Variants in MIPOL1 observed in about 807,000 individuals in gnomAD.
MIPOL1 encodes mirror-image polydactyly 1, also known as mirror-image polydactyly gene 1 protein.
Under a neutral mutation model 60.9 loss-of-function variants are expected in MIPOL1, and 57 were observed. The observed-to-expected ratio is 0.94, with a 90% confidence interval of 0.76 to 1.17. The LOEUF is 1.17. MIPOL1 is among the 50% of genes most tolerant of loss of function. The pLI is 0.00. For synonymous variants in MIPOL1, 179 were observed against 168.8 expected (o/e 1.06, Z -0.47); for missense variants, 551 against 511.6 (o/e 1.08, Z -0.74).
At chr14:37,413,529 A>T (rs183999923) in intron 10 of MIPOL1, among the ~76,000 whole-genome samples, 2 of 152,352 alleles carry the variant, frequency 1.3e-5, no homozygotes, top group Non-Finnish European at 2.9e-5. Flanking sequence ...GTTTACCCAG[A>T]TAATCCAGGG....
At chr14:37,489,284 G>C (rs2095006021) in intron 11 of MIPOL1, among the ~76,000 whole-genome samples, 1 of 152,040 alleles carries the variant, frequency 6.6e-6, no homozygotes, top group African/African-American at 2.4e-5. Flanking sequence ...CACGTGCTGT[G>C]TTTTTCAGCT....
At chr14:37,460,504 G>A (rs1045555336) in intron 11 of MIPOL1, among the ~76,000 whole-genome samples, 1 of 152,010 alleles carries the variant, frequency 6.6e-6, no homozygotes, top group Non-Finnish European at 1.5e-5. Context: ...GGAAATTCTA[G>A]CCAAAGCAAT....
chr14:37,275,817 C>T (rs141152892), intron 6 of MIPOL1, among the ~76,000 whole-genome samples: 6 of 151,228 alleles, frequency 4.0e-5, no homozygotes, highest in African/African-American at 1.4e-4. Context: ...TTCTTTCTTG[C>T]ATGTCATCCA....
chr14:37,233,621 A>C (rs887180845), intron 1 of MIPOL1, among the ~76,000 whole-genome samples: 1 of 152,140 alleles, frequency 6.6e-6, no homozygotes, highest in Non-Finnish European at 1.5e-5. Context: ...AAACACAAAG[A>C]AGTCAGAAGG....
At position 37,502,459 on chromosome 14, in the gene MIPOL1, T is replaced by C. The variant is rs545930879; in HGVS notation, c.1262+2321T>C. On this transcript the variant is annotated intron_variant, in intron 12 of 12. Transcript: ENST00000684589. ...ATATGTGCAGTTCTACAGCCTCTGC[T>C]GGTGATACCCAGGCAAACAGGGTTT... 7.2e-5 allele frequency: 11 copies of C among 152,524 alleles called. No homozygotes were observed. The East Asian group carries it at 1.9e-3, about 27-fold the overall frequency. 9.4% of individuals were successfully genotyped at this position (152,524 alleles called of 1,614,324 possible).
intron 11 of MIPOL1, among the ~76,000 whole-genome samples, chr14:37,441,626 G>A (rs1203501678): frequency 5.3e-5 from 8 of 151,940 alleles, no homozygotes; most frequent in African/African-American, 1.5e-4. Flanking sequence ...TGCTGTTTTC[G>A]TTACTATAGC....
chr14:37,336,406 A>G (rs1423989453), intron 9 of MIPOL1, among the ~76,000 whole-genome samples: 1 of 149,514 alleles, frequency 6.7e-6, no homozygotes, highest in Non-Finnish European at 1.5e-5. Flanking sequence ...TTATTATTAT[A>G]TAATGCCCTC....
At chr14:37,403,053 C>T (rs964874467) in intron 10 of MIPOL1, among the ~76,000 whole-genome samples, 2 of 152,098 alleles carry the variant, frequency 1.3e-5, no homozygotes, top group Admixed American at 6.5e-5. Flanking sequence ...CTGCCTAGTG[C>T]GAAGGGAAAG....
At chr14:37,252,243 T>G (rs920090802) in intron 3 of MIPOL1, among the ~76,000 whole-genome samples, 1 of 151,856 alleles carries the variant, frequency 6.6e-6, no homozygotes, top group Non-Finnish European at 1.5e-5. Context: ...AGATTACATA[T>G]TTTTAATTTA....
Position 37,331,003 on chromosome 14 carries a change from G to A in MIPOL1, c.828+22484G>A, listed in dbSNP as rs1016770163. On this transcript the variant is annotated intron_variant, in intron 9 of 12. Coordinates refer to ENST00000684589, the MANE Select transcript of MIPOL1 (RefSeq NM_001388067.1). Reference sequence around the variant, plus strand: ...TCAAAAATGAGTGGGTTGTAAATGTGTGGATTTATTTCTGGGTTTTCAATT... The same window carrying A: ...TCAAAAATGAGTGGGTTGTAAATGTATGGATTTATTTCTGGGTTTTCAATT... 9.9e-5 allele frequency among the ~76,000 whole-genome samples: 15 copies of A among 152,140 alleles called. 1 individual carries two copies. Among genetic ancestry groups the A allele is most frequent in the Admixed American group, 9.2e-4 (14 of 15,284 alleles).
intron 1 of MIPOL1, among the ~76,000 whole-genome samples, chr14:37,226,524 C>T (rs530654891): frequency 6.6e-5 from 10 of 152,188 alleles, no homozygotes; most frequent in South Asian, 2.1e-4. Flanking sequence ...TTCACTACCA[C>T]GAGAACAGTA....
At chr14:37,298,881 A>T (rs12885970) in intron 7 of MIPOL1, among the ~76,000 whole-genome samples, 88,696 of 143,046 alleles carry the variant, frequency 0.62, 27,615 homozygotes, top group Non-Finnish European at 0.66. Context: ...ATTGTGGAAG[A>T]CAGTGTGGCG....
chr14:37,547,415 T>C lies in MIPOL1; in HGVS notation c.*444T>C, dbSNP rs2095551042. ...AACTTCAAATACATGCATTTTTCAA[T>C]ATAGGGTATATTTCTTAACTGATGA... On this transcript the variant is annotated 3_prime_UTR_variant, in exon 13 of 13. Coordinates refer to ENST00000684589, the MANE Select transcript of MIPOL1 (RefSeq NM_001388067.1). 6.3e-6 allele frequency: 1 copy of C among 157,494 alleles called. No individual in the cohort carries two copies. The highest frequency in any genetic ancestry group is 2.4e-5 in the African/African-American group (1 of 41,500). 9.8% of individuals were successfully genotyped at this position (157,494 alleles called of 1,614,324 possible).
At chr14:37,447,570 T>C (rs895337695) in intron 11 of MIPOL1, among the ~76,000 whole-genome samples, 7 of 152,162 alleles carry the variant, frequency 4.6e-5, no homozygotes, top group African/African-American at 1.7e-4. Flanking sequence ...GGCACTGAAA[T>C]GCTTTATAGT....
chr14:37,217,503 A>G (rs1052732706), intron 1 of MIPOL1, among the ~76,000 whole-genome samples: 4 of 152,216 alleles, frequency 2.6e-5, no homozygotes, highest in Admixed American at 6.5e-5. Flanking sequence ...TCAACAAAAT[A>G]CTAAAACCGA....
chr14:37,311,021 G>A (rs1226118387), intron 9 of MIPOL1, among the ~76,000 whole-genome samples: 1 of 152,100 alleles, frequency 6.6e-6, no homozygotes, highest in African/African-American at 2.4e-5. Flanking sequence ...TCTTCCAGCA[G>A]GAGCTCTTTG....
chr14:37,459,311 G>A (rs1465051699), intron 11 of MIPOL1, among the ~76,000 whole-genome samples: 3 of 152,052 alleles, frequency 2.0e-5, no homozygotes, highest in African/African-American at 7.2e-5. Flanking sequence ...ATTCACATAA[G>A]TAAAATCAGA....
At chr14:37,273,305 G>A (rs2083427501) in intron 6 of MIPOL1, among the ~76,000 whole-genome samples, 1 of 150,472 alleles carries the variant, frequency 6.6e-6, no homozygotes, top group Non-Finnish European at 1.5e-5. Flanking sequence ...AACAGTTTCT[G>A]CCTTTTTCAG....
intron 3 of MIPOL1, among the ~76,000 whole-genome samples, chr14:37,255,469 G>C (rs112817463): frequency 0.04 from 6,000 of 151,792 alleles, 276 homozygotes; most frequent in African/African-American, 0.11. Flanking sequence ...CATTTACTTA[G>C]TACTCTTTGG....
Sources: gnomAD v4.1 joint callset for allele counts (sites outside exome capture counted in the v4.1 genomes callset) on GRCh38, gnomAD v4.1.1 for gene constraint, MANE v1.5 for transcripts, NCBI Gene and HGNC (gene_info 2026-07-23, HGNC 2026-07-21) for gene names.